Variants in UROC1 observed in about 807,000 individuals in gnomAD.
UROC1 encodes the protein urocanate hydratase.
A neutral mutation model predicts 89.5 loss-of-function variants in UROC1; 79 were observed. That is an observed-to-expected ratio of 0.88 (90% CI 0.74 to 1.06). The LOEUF is 1.06. UROC1 is among the 50% of genes least tolerant of loss of function. The pLI is 0.00. For synonymous variants in UROC1, 361 were observed against 354.8 expected (o/e 1.02, Z -0.20); for missense variants, 885 against 907.8 (o/e 0.97, Z 0.32).
At chr3:126,507,881 C>T (rs563403928) in intron 5 of UROC1, 78 bp from the exon 6 acceptor site, 23 of 1,612,662 alleles carry the variant, frequency 1.4e-5, no homozygotes, top group African/African-American at 2.7e-5. Context: ...TGATGCACAG[C>T]GTTGGGGCAC....
At chr3:126,488,820 G>A (rs1042462672) in intron 17 of UROC1, among the ~76,000 whole-genome samples, 1 of 152,252 alleles carries the variant, frequency 6.6e-6, no homozygotes, top group South Asian at 2.1e-4. Flanking sequence ...GCCTGAGACC[G>A]TGAGCCCCTG....
At chr3:126,517,454 G>T in intron 1 of UROC1, 140 bp downstream of exon 1, 2 of 1,324,848 alleles carry the variant, frequency 1.5e-6, no homozygotes, top group Non-Finnish European at 2.1e-6. Flanking sequence ...CATTGCACCC[G>T]CACAGGCTGG....
intron 16 of UROC1, 113 bp downstream of exon 16, chr3:126,492,305 C>T (rs1935673479): frequency 1.9e-6 from 2 of 1,048,028 alleles, no homozygotes. Context: ...GGGGGTGTCT[C>T]CCCACCCAGA....
chr3:126,483,892 A>AT (rs918245474), intron 18 of UROC1, among the ~76,000 whole-genome samples: 10 of 152,258 alleles, frequency 6.6e-5, no homozygotes, highest in Middle Eastern at 6.8e-3. Context: ...TAAAAAAAAT[A>AT]TTTTTTTAGA....
chr3:126,488,597 A>G (rs931247452), intron 17 of UROC1, among the ~76,000 whole-genome samples: 2 of 152,256 alleles, frequency 1.3e-5, no homozygotes, highest in East Asian at 3.8e-4. Flanking sequence ...AGAGAAGTAG[A>G]GTGCCAAAGA....
chr3:126,488,718 C>G (rs1935573914), intron 17 of UROC1, among the ~76,000 whole-genome samples: 1 of 152,232 alleles, frequency 6.6e-6, no homozygotes, highest in Admixed American at 6.5e-5. Flanking sequence ...AACCTGAAAC[C>G]TGGGGACTGA....
intron 13 of UROC1, 71 bp downstream of exon 13, chr3:126,499,266 C>G: frequency 6.5e-7 from 1 of 1,544,142 alleles, no homozygotes; most frequent in East Asian, 2.3e-5. Context: ...CCTAAATACC[C>G]AGGACGCAGA....
chr3:126,502,825 G>A (rs1385142805), intron 9 of UROC1, among the ~76,000 whole-genome samples: 1 of 150,832 alleles, frequency 6.6e-6, no homozygotes, highest in African/African-American at 2.4e-5. Context: ...GTGCTTATGT[G>A]TGTTAAGTGT....
rs968943232 is a variant in UROC1 at position 126,502,162 on chromosome 3, A to G, written c.903-882T>C. ...CATATGTGTATGTATGCATGTGAGA[A>G]TATATGTTATGGGCATGTGCGTGTG... On this transcript the variant is annotated intron_variant, in intron 9 of 19. Coordinates refer to ENST00000290868, the MANE Select transcript of UROC1 (RefSeq NM_144639.3). 1.2e-4 allele frequency among the ~76,000 whole-genome samples: 19 copies of G among 152,002 alleles called. No homozygotes were observed. In the South Asian group the frequency reaches 1.5e-3, roughly 12 times the overall value.
Position 126,499,422 on chromosome 3 carries a change from C to T in UROC1, c.1244-13G>A. On this transcript the variant is annotated splice_polypyrimidine_tract_variant and intron_variant, in intron 12 of 19. Transcript: ENST00000290868. Reference sequence around the variant, plus strand: ...TCCACATCCGCTCCTGTGGGCAGAGCCCGGACAGTCACCACCCAAGGCAGG... The same window carrying T: ...TCCACATCCGCTCCTGTGGGCAGAGTCCGGACAGTCACCACCCAAGGCAGG... The T allele has an allele frequency of 6.2e-7, 1 of 1,608,042 alleles. No individual in the cohort carries two copies. The highest frequency in any genetic ancestry group is 1.1e-5 in the South Asian group (1 of 89,912).
intron 18 of UROC1, among the ~76,000 whole-genome samples, chr3:126,487,484 G>A (rs960533613): frequency 6.6e-6 from 1 of 152,216 alleles, no homozygotes; most frequent in African/African-American, 2.4e-5. Flanking sequence ...CCAGCCTGTC[G>A]GAATGCTCCA....
intron 14 of UROC1, among the ~76,000 whole-genome samples, chr3:126,496,520 A>G (rs1045493682): frequency 2.0e-5 from 3 of 152,160 alleles, no homozygotes; most frequent in African/African-American, 7.2e-5. Flanking sequence ...GCTGGGAAGG[A>G]ACCGGACAAG....
At chr3:126,512,340 C>T (rs531104733) in intron 1 of UROC1, among the ~76,000 whole-genome samples, 24 of 152,328 alleles carry the variant, frequency 1.6e-4, no homozygotes, top group Admixed American at 3.3e-4. Flanking sequence ...CTGATGACCA[C>T]GGAACAATGG....
intron 15 of UROC1, among the ~76,000 whole-genome samples, 184 bp downstream of exon 15, chr3:126,495,854 C>T (rs1312929514): frequency 6.6e-6 from 1 of 152,240 alleles, no homozygotes; most frequent in Non-Finnish European, 1.5e-5. Flanking sequence ...GGCTGCTTCC[C>T]CTCCCAGTGT....
chr3:126,505,887 C>A, intron 7 of UROC1, 43 bp from the exon 8 acceptor site: 1 of 1,611,198 alleles, frequency 6.2e-7, no homozygotes, highest in East Asian at 2.2e-5. Flanking sequence ...ACTCCCAGCC[C>A]GCCCCCTCCA....
chr3:126,487,020 T>G (rs1008668414), intron 18 of UROC1, among the ~76,000 whole-genome samples: 5 of 152,240 alleles, frequency 3.3e-5, no homozygotes, highest in Non-Finnish European at 5.9e-5. Flanking sequence ...CCACAGAGTC[T>G]GGGGGAAACC....
intron 17 of UROC1, among the ~76,000 whole-genome samples, chr3:126,489,000 C>G (rs889558033): frequency 2.6e-5 from 4 of 152,140 alleles, no homozygotes; most frequent in Admixed American, 2.0e-4. Context: ...AGAAATGCAG[C>G]TCTAGGATCT....
chr3:126,511,504 G>T (rs1186973496), intron 1 of UROC1, among the ~76,000 whole-genome samples: 2 of 152,240 alleles, frequency 1.3e-5, no homozygotes, highest in African/African-American at 4.8e-5. Flanking sequence ...CCGCCTCGGG[G>T]CTTGACGGGA....
At position 126,510,749 on chromosome 3, in the gene UROC1, C is replaced by A. The variant is rs778758625; in HGVS notation, c.172G>T (p.Glu58Ter). Reference sequence around the variant, plus strand: ...TGGGCAAACTCTGGGGCCAGCAGCTCCTGGACATCCGGGGGGAAGTAGCGC... The same window carrying A: ...TGGGCAAACTCTGGGGCCAGCAGCTACTGGACATCCGGGGGGAAGTAGCGC... ...ALRYFPPDVQELLAPEFAQEL... is the reference protein window; with the variant it reads ...ALRYFPPDVQ The change falls in exon 2 of 20, where the codon GAG (glutamate) becomes TAG (stop). Residue 58 changes from glutamate to a stop codon, truncating the protein, a stop_gained. Coordinates refer to ENST00000290868, the MANE Select transcript of UROC1 (RefSeq NM_144639.3). LOFTEE classifies it high-confidence loss of function. The A allele has an allele frequency of 1.2e-6, 2 of 1,614,004 alleles. No homozygotes were observed. Among genetic ancestry groups the A allele is most frequent in the African/African-American group, 2.7e-5 (2 of 74,934 alleles).
Sources: allele counts gnomAD v4.1 joint callset (sites outside exome capture counted in the v4.1 genomes callset), GRCh38; gene constraint gnomAD v4.1.1; transcripts MANE v1.5; gene names NCBI Gene and HGNC (gene_info 2026-07-23, HGNC 2026-07-21).